VWA8: variants seen among roughly 807,000 people sequenced by gnomAD.
The protein encoded by VWA8 is von Willebrand factor A domain-containing protein 8.
VWA8 carries 221 observed loss-of-function variants against 241.5 expected under a neutral mutation model. That is an observed-to-expected ratio of 0.91 (90% CI 0.82 to 1.02). The LOEUF (loss-of-function observed/expected upper bound fraction) is 1.02. Ranked by LOEUF, VWA8 falls within the 50% of genes least tolerant of loss-of-function variation. The probability of loss-of-function intolerance (pLI) is 0.00; values close to 1 mark genes in which losing one functional copy is unlikely to be tolerated. For missense variants in VWA8, 2,322 were observed against 2,328.7 expected, an observed-to-expected ratio of 1.00 and a Z score of 0.06; for synonymous variants, 852 against 827.1, an observed-to-expected ratio of 1.03 and a Z score of -0.52.
In VWA8 at chr13:41,688,706, A is replaced by G. The variant is rs554373177; in HGVS notation, c.4131+648T>C. ...TAATCTACAATAATGACAATCCAAC[A>G]AATTTAACTTTACACAGGAACAAAA... On this transcript the variant is annotated intron_variant, in intron 34 of 44. Coordinates refer to ENST00000379310, the MANE Select transcript of VWA8 (RefSeq NM_015058.2). 3.5e-4 allele frequency among the ~76,000 whole-genome samples: 53 copies of G among 152,218 alleles called. 1 individual carries two copies. In the South Asian group the frequency reaches 0.011, roughly 31 times the overall value.
chr13:41,910,140 C>CA (rs1297142588), intron 3 of VWA8, among the ~76,000 whole-genome samples: 1 of 152,136 alleles, frequency 6.6e-6, no homozygotes, highest in African/African-American at 2.4e-5. Flanking sequence ...TTCACACTTA[C>CA]AAATCTATGT....
At chr13:41,950,045 T>C in intron 1 of VWA8, 32 bp from the exon 2 acceptor site, 2 of 1,361,980 alleles carry the variant, frequency 1.5e-6, no homozygotes, top group Non-Finnish European at 2.0e-6. Flanking sequence ...AGAATAATTA[T>C]AAGAGACAAA....
intron 20 of VWA8, among the ~76,000 whole-genome samples, chr13:41,771,820 A>C (rs1467903875): frequency 1.3e-5 from 2 of 149,318 alleles, no homozygotes; most frequent in Non-Finnish European, 3.0e-5. Context: ...GGACTCAAGC[A>C]ATCCGCCCAC....
At chr13:41,637,421 G>C in intron 37 of VWA8, among the ~76,000 whole-genome samples, 1 of 107,732 alleles carries the variant, frequency 9.3e-6, no homozygotes, top group Non-Finnish European at 1.8e-5. Context: ...TGTGGGGTGG[G>C]GGGAGGGGGG....
intron 12 of VWA8, among the ~76,000 whole-genome samples, chr13:41,846,180 T>A (rs917692388): frequency 6.6e-6 from 1 of 152,114 alleles, no homozygotes; most frequent in Non-Finnish European, 1.5e-5. Flanking sequence ...GGAATACAGG[T>A]GTGTGCCACT....
At chr13:41,674,642 A>G (rs1294015279) in intron 36 of VWA8, among the ~76,000 whole-genome samples, 2 of 152,128 alleles carry the variant, frequency 1.3e-5, no homozygotes, top group Non-Finnish European at 2.9e-5. Flanking sequence ...GGGACAGATC[A>G]AGCTTTATTG....
At chr13:41,608,301 A>G (rs754808506) in intron 39 of VWA8, among the ~76,000 whole-genome samples, 2 of 152,146 alleles carry the variant, frequency 1.3e-5, no homozygotes, top group African/African-American at 2.4e-5. Flanking sequence ...ATAAATTTTG[A>G]AAGATGATGA....
At chr13:41,719,790 A>G in intron 25 of VWA8, 48 bp from the exon 26 acceptor site, 3 of 1,518,732 alleles carry the variant, frequency 2.0e-6, no homozygotes, top group African/African-American at 1.4e-5. Flanking sequence ...AAAATATACA[A>G]CATTATAAAG....
At chr13:41,681,322 T>A (rs2045096943) in intron 35 of VWA8, among the ~76,000 whole-genome samples, 1 of 152,174 alleles carries the variant, frequency 6.6e-6, no homozygotes, top group Non-Finnish European at 1.5e-5. Flanking sequence ...TTTGCAGTCA[T>A]CCCTAGACCT....
chr13:41,862,074 G>A (rs1873031048), intron 12 of VWA8, among the ~76,000 whole-genome samples: 2 of 152,132 alleles, frequency 1.3e-5, no homozygotes, highest in Admixed American at 1.3e-4. Context: ...AACCAAAGCA[G>A]CATGATACTG....
chr13:41,928,589 T>C (rs1036977152), intron 2 of VWA8, among the ~76,000 whole-genome samples: 1 of 152,144 alleles, frequency 6.6e-6, no homozygotes, highest in Non-Finnish European at 1.5e-5. Context: ...CTGTGGGATG[T>C]AGCAAAAGCA....
At chr13:41,929,123 C>G (rs1181790692) in intron 2 of VWA8, among the ~76,000 whole-genome samples, 1 of 149,936 alleles carries the variant, frequency 6.7e-6, no homozygotes, top group African/African-American at 2.5e-5. Context: ...GAAAAACAAA[C>G]TTGGAAACAT....
At position 41,596,200 on chromosome 13, in the gene VWA8, A is replaced by G. The variant is rs559388300; in HGVS notation, c.4987-5435T>C. On this transcript the variant is annotated intron_variant, in intron 40 of 44. Transcript: ENST00000379310. ...TATTAGGCACAAAGACATTTTTATA[A>G]TAGTAGCACTGTTCATTAGTTTTCA... Among the ~76,000 whole-genome samples the G allele has an allele frequency of 4.6e-5, 7 of 152,244 alleles. No individual in the cohort carries two copies. In the South Asian group the frequency reaches 1.4e-3, roughly 32 times the overall value.
At chr13:41,782,984 G>A (rs1868959495) in intron 19 of VWA8, among the ~76,000 whole-genome samples, 1 of 150,776 alleles carries the variant, frequency 6.6e-6, no homozygotes, top group African/African-American at 2.4e-5. Flanking sequence ...AAAGGAAAAG[G>A]AAAGAAAAGA....
chr13:41,727,735 T>C (rs1397805064), intron 23 of VWA8, among the ~76,000 whole-genome samples: 2 of 152,176 alleles, frequency 1.3e-5, no homozygotes, highest in Non-Finnish European at 2.9e-5. Context: ...TCCTTTTGCA[T>C]AGAGCCTGCC....
intron 9 of VWA8, among the ~76,000 whole-genome samples, chr13:41,880,176 A>G (rs1874100552): frequency 6.6e-6 from 1 of 152,218 alleles, no homozygotes; most frequent in African/African-American, 2.4e-5. Context: ...AGTTTAAATG[A>G]AAGCTCTATA....
intron 37 of VWA8, among the ~76,000 whole-genome samples, chr13:41,620,058 T>C (rs571402023): frequency 4.6e-5 from 7 of 152,320 alleles, no homozygotes; most frequent in Admixed American, 1.3e-4. Context: ...CCAGGTCCTC[T>C]TTGTACCTCT....
chr13:41,666,682 G>A (rs2044988750), intron 37 of VWA8, among the ~76,000 whole-genome samples: 1 of 152,056 alleles, frequency 6.6e-6, no homozygotes, highest in African/African-American at 2.4e-5. Context: ...CCGGGATCTT[G>A]CATTTTCACT....
intron 14 of VWA8, among the ~76,000 whole-genome samples, chr13:41,822,947 G>A (rs76911715): frequency 2.3e-3 from 345 of 152,236 alleles, no homozygotes; most frequent in Non-Finnish European, 4.0e-3. Flanking sequence ...GATGAGAGAG[G>A]AGGGTAAAAG....
Sources: allele counts gnomAD v4.1 joint callset (sites outside exome capture counted in the v4.1 genomes callset), GRCh38; gene constraint gnomAD v4.1.1; transcripts MANE v1.5; gene names NCBI Gene and HGNC (gene_info 2026-07-23, HGNC 2026-07-21).